The following NFX1 variants were observed in gnomAD, a reference collection of about 807,000 sequenced individuals.
The protein encoded by NFX1 is nuclear transcription factor, X-box binding 1.
A neutral mutation model predicts 137.2 loss-of-function variants in NFX1; 69 were observed. That is an observed-to-expected ratio of 0.50 (90% confidence interval 0.41 to 0.61). NFX1 has a LOEUF of 0.61. Ranked by LOEUF, NFX1 falls within the 20% of genes least tolerant of loss-of-function variation. NFX1 has a pLI of 0.00. For synonymous variants in NFX1, 495 were observed against 474.1 expected, an observed-to-expected ratio of 1.04 and a Z score of -0.57; for missense variants, 1,167 against 1,391.0, an observed-to-expected ratio of 0.84 and a Z score of 2.56.
chr9:33,357,877 A>G (rs1240728964), intron 19 of NFX1, among the ~76,000 whole-genome samples: 1 of 151,966 alleles, frequency 6.6e-6, no homozygotes, highest in Non-Finnish European at 1.5e-5. Context: ...TTGGCTTGTT[A>G]TTATAATATA....
chr9:33,297,505 C>T (rs1821399876), intron 2 of NFX1, among the ~76,000 whole-genome samples: 2 of 152,224 alleles, frequency 1.3e-5, no homozygotes, highest in Admixed American at 1.3e-4. Flanking sequence ...TACTATGCCA[C>T]TGTTTCTGTG....
intron 7 of NFX1, 127 bp downstream of exon 7, chr9:33,313,920 A>G: frequency 1.2e-6 from 1 of 849,192 alleles, no homozygotes; most frequent in East Asian, 2.5e-5. Flanking sequence ...AGAGAACTGG[A>G]GATACGATGC....
chr9:33,301,847 G>A (rs180753966), intron 3 of NFX1, among the ~76,000 whole-genome samples: 5 of 152,140 alleles, frequency 3.3e-5, no homozygotes, highest in Non-Finnish European at 5.9e-5. Flanking sequence ...CAAGGCAGGC[G>A]GATCATCTGA....
In NFX1 at chr9:33,318,977, C is replaced by T. The variant is rs199721480; in HGVS notation, c.1756C>T (p.Arg586Trp). The T allele has an allele frequency of 5.3e-5, 85 of 1,614,118 alleles. No homozygotes were observed. The highest frequency in any genetic ancestry group is 6.3e-5 in the Non-Finnish European group (74 of 1,180,042). ...CHPQPCQQCP[R>W]LPQLVRCCPC... ...CCCTCAGCCCTGCCAGCAATGCCCACGGCTCCCCCAGCTGGTGCGCTGTTG... is the reference window on the plus strand; with the variant it reads ...CCCTCAGCCCTGCCAGCAATGCCCATGGCTCCCCCAGCTGGTGCGCTGTTG... Residue 586 changes from arginine (R) to tryptophan (W), a missense_variant, in exon 9 of 24, where the codon CGG becomes TGG. Arg to Trp is a moderately radical substitution (Grantham distance 101, BLOSUM62 -3). Transcript: ENST00000379540.
At chr9:33,296,765 C>T (rs1821373060) in intron 2 of NFX1, among the ~76,000 whole-genome samples, 1 of 152,158 alleles carries the variant, frequency 6.6e-6, no homozygotes, top group Admixed American at 6.6e-5. Context: ...TCCAGGGAAC[C>T]TTTTCTCACC....
At chr9:33,318,680 A>G in intron 7 of NFX1, 51 bp from the exon 8 acceptor site, 2 of 1,489,552 alleles carry the variant, frequency 1.3e-6, no homozygotes, top group South Asian at 2.3e-5. Context: ...GTGACATTTT[A>G]AGAACCCATA....
chr9:33,310,018 ATCTT>A (rs1821907953), intron 5 of NFX1, among the ~76,000 whole-genome samples: 1 of 152,230 alleles, frequency 6.6e-6, no homozygotes, highest in African/African-American at 2.4e-5. Context: ...AATGATACTC[ATCTT>A]TAAAGAAACA....
intron 9 of NFX1, among the ~76,000 whole-genome samples, chr9:33,319,822 T>C (rs555202215): frequency 2.6e-5 from 4 of 151,980 alleles, no homozygotes; most frequent in Non-Finnish European, 5.9e-5. Context: ...AGAACTAAAA[T>C]TGTAAGTACA....
intron 1 of NFX1, among the ~76,000 whole-genome samples, chr9:33,292,643 T>G (rs1470438664): frequency 2.0e-5 from 3 of 152,252 alleles, no homozygotes; most frequent in African/African-American, 7.2e-5. Context: ...ATGTCTCTTA[T>G]GGGTTTTTTT....
rs1441899157 is a variant in NFX1 at position 33,370,465 on chromosome 9, AATTGGT to A, written c.*490_*495del. On this transcript the variant is annotated 3_prime_UTR_variant, in exon 24 of 24. Coordinates refer to ENST00000379540, the MANE Select transcript of NFX1 (RefSeq NM_002504.6). ...TTTTAGTCTGAAATACCAAATAATG[AATTGGT>A]ATACCATATCCGGAATCACACATGT... The A allele has an allele frequency of 1.9e-5, 3 of 154,046 alleles. No homozygotes were observed. The highest frequency in any genetic ancestry group is 4.3e-5 in the Non-Finnish European group (3 of 69,448). The allele number at this position is 154,046 out of a possible 1,614,324, so 9.5% of individuals were successfully genotyped here. A position where few individuals can be genotyped will look rare whatever the true frequency, so the allele number is the denominator to read the frequency against.
At chr9:33,304,177 G>A (rs896097847) in intron 4 of NFX1, among the ~76,000 whole-genome samples, 3 of 152,140 alleles carry the variant, frequency 2.0e-5, no homozygotes, top group East Asian at 1.9e-4. Context: ...CAGGAGAATC[G>A]CTTGAACCTG....
At chr9:33,318,598 A>C in intron 7 of NFX1, 133 bp from the exon 8 acceptor site, 2 of 770,122 alleles carry the variant, frequency 2.6e-6, no homozygotes, top group South Asian at 1.7e-5. Context: ...TCAGTACTCT[A>C]TTTGGCCTCC....
intron 15 of NFX1, among the ~76,000 whole-genome samples, chr9:33,350,936 A>G (rs972736491): frequency 1.2e-4 from 18 of 152,230 alleles, no homozygotes; most frequent in Admixed American, 7.9e-4. Flanking sequence ...ACTTGAAGTC[A>G]GGAGTTCAAG....
At chr9:33,323,646 C>T (rs759854404) in intron 9 of NFX1, among the ~76,000 whole-genome samples, 21 of 151,594 alleles carry the variant, frequency 1.4e-4, no homozygotes, top group South Asian at 4.2e-4. Flanking sequence ...CCAGCTGCTC[C>T]GGCGGCTGAG....
rs201981020 is a variant in NFX1 at position 33,366,623 on chromosome 9, A to T, written c.3040-6A>T. The T allele has an allele frequency of 6.2e-7, 1 of 1,613,816 alleles. No homozygotes were observed. The highest frequency in any genetic ancestry group is 8.5e-7 in the Non-Finnish European group (1 of 1,179,984). On this transcript the variant is annotated splice_region_variant and splice_polypyrimidine_tract_variant and intron_variant, in intron 21 of 23. Coordinates refer to ENST00000379540, the MANE Select transcript of NFX1 (RefSeq NM_002504.6). ...GATCAATCAGTCATCTTTTCCCTCA[A>T]TACAGGGAAAGAATAGTAAGAAAAG...
chr9:33,334,144 C>CA (rs1177292149), intron 11 of NFX1, among the ~76,000 whole-genome samples: 2 of 151,824 alleles, frequency 1.3e-5, no homozygotes, highest in Admixed American at 1.3e-4. Context: ...GACTCCGTAT[C>CA]AAAAAAGAAA....
At chr9:33,357,182 G>A (rs1823839689) in intron 19 of NFX1, among the ~76,000 whole-genome samples, 1 of 151,966 alleles carries the variant, frequency 6.6e-6, no homozygotes, top group Non-Finnish European at 1.5e-5. Flanking sequence ...GGCACTTGTA[G>A]TCCCAGCTAC....
intron 19 of NFX1, among the ~76,000 whole-genome samples, chr9:33,361,474 T>C (rs1175050188): frequency 6.6e-6 from 1 of 152,082 alleles, no homozygotes; most frequent in Admixed American, 6.6e-5. Flanking sequence ...ATGGCGGTAC[T>C]TAAAATTATA....
intron 9 of NFX1, among the ~76,000 whole-genome samples, chr9:33,326,535 G>A (rs1587844133): frequency 1.3e-5 from 2 of 151,462 alleles, no homozygotes; most frequent in African/African-American, 4.9e-5. Flanking sequence ...CCTGGGCAAC[G>A]TAGTGAGATT....
Sources: allele counts gnomAD v4.1 joint callset (sites outside exome capture counted in the v4.1 genomes callset), GRCh38; gene constraint gnomAD v4.1.1; transcripts MANE v1.5; gene names NCBI Gene and HGNC (gene_info 2026-07-23, HGNC 2026-07-21).